Variants in PPM1E observed in about 807,000 individuals in gnomAD.
PPM1E encodes protein phosphatase 1E.
In PPM1E, 20 loss-of-function variants were observed where a neutral mutation model predicts 65.9. That is an observed-to-expected ratio of 0.30 (90% confidence interval 0.21 to 0.44). The LOEUF (loss-of-function observed/expected upper bound fraction) is 0.44, where lower values mean the gene tolerates loss of function less well. Ranked by LOEUF, PPM1E falls within the 20% of genes least tolerant of loss-of-function variation. The probability of loss-of-function intolerance (pLI) is 1.00; values close to 1 mark genes in which losing one functional copy is unlikely to be tolerated. For synonymous variants in PPM1E, 352 were observed against 374.9 expected, an observed-to-expected ratio of 0.94 and a Z score of 0.70; for missense variants, 713 against 953.1, an observed-to-expected ratio of 0.75 and a Z score of 3.32.
intron 1 of PPM1E, among the ~76,000 whole-genome samples, chr17:58,803,139 C>T (rs972553034): frequency 9.2e-5 from 14 of 151,940 alleles, no homozygotes; most frequent in Admixed American, 2.6e-4. Flanking sequence ...AACTGAGGAC[C>T]GTTGTCTTGT....
At chr17:58,764,299 A>G (rs2049852468) in intron 1 of PPM1E, among the ~76,000 whole-genome samples, 1 of 152,144 alleles carries the variant, frequency 6.6e-6, no homozygotes, top group African/African-American at 2.4e-5. Context: ...TACAACAACA[A>G]AAACTTTAAT....
chr17:58,887,989 C>T (rs1223518223), intron 1 of PPM1E, among the ~76,000 whole-genome samples: 11 of 151,898 alleles, frequency 7.2e-5, no homozygotes, highest in South Asian at 2.1e-4. Context: ...ATGTGGTGTA[C>T]GTGAAGGGAA....
chr17:58,915,376 C>G (rs2051672814), intron 1 of PPM1E, among the ~76,000 whole-genome samples: 1 of 152,138 alleles, frequency 6.6e-6, no homozygotes, highest in Non-Finnish European at 1.5e-5. Flanking sequence ...AGAGGTCGCT[C>G]TGGTTGCAAT....
chr17:58,850,369 C>T (rs1195142102), intron 1 of PPM1E, among the ~76,000 whole-genome samples: 4 of 152,152 alleles, frequency 2.6e-5, no homozygotes, highest in African/African-American at 7.2e-5. Context: ...TTCTTCCTCG[C>T]ATCGATGGTC....
chr17:58,854,226 T>G (rs2050857953), intron 1 of PPM1E, among the ~76,000 whole-genome samples: 1 of 152,224 alleles, frequency 6.6e-6, no homozygotes, highest in African/African-American at 2.4e-5. Flanking sequence ...AGTGAATAGA[T>G]GCAACTGATT....
chr17:58,837,149 G>A (rs2050667670), intron 1 of PPM1E, among the ~76,000 whole-genome samples: 1 of 150,916 alleles, frequency 6.6e-6, no homozygotes, highest in Admixed American at 6.6e-5. Flanking sequence ...GGCTGAGATG[G>A]GAGGATCACT....
intron 1 of PPM1E, among the ~76,000 whole-genome samples, chr17:58,899,054 T>C (rs555582697): frequency 2.0e-5 from 3 of 152,068 alleles, no homozygotes; most frequent in Admixed American, 2.0e-4. Flanking sequence ...AAATACCTAA[T>C]GTAAATGATG....
chr17:58,756,049 T>G lies in PPM1E; in HGVS notation c.52T>G (p.Phe18Val). ...EKTYRRFLEL[F>V]LGEFRGPCGG... Reference sequence around the variant, plus strand: ...AACTTACCGGCGCTTCCTGGAGCTATTCCTGGGCGAGTTTCGCGGACCGTG... The same window carrying G: ...AACTTACCGGCGCTTCCTGGAGCTAGTCCTGGGCGAGTTTCGCGGACCGTG... The change falls in exon 1 of 7, where the codon TTC becomes GTC. Residue 18 changes from phenylalanine (F) to valine (V), a missense_variant. By Grantham distance (50) the Phe-to-Val change is conservative (BLOSUM62 -1). Around this residue, in one of 6 missense-constraint regions of PPM1E, gnomAD observed 212 missense variants for 204.0 expected, o/e 1.04. Transcript: ENST00000308249. The G allele has an allele frequency of 6.2e-7, 1 of 1,614,002 alleles. No homozygotes were observed. Among genetic ancestry groups the G allele is most frequent in the Non-Finnish European group, 8.5e-7 (1 of 1,179,916 alleles).
At chr17:58,916,172 G>GA (rs1370375777) in intron 1 of PPM1E, among the ~76,000 whole-genome samples, 13 of 152,176 alleles carry the variant, frequency 8.5e-5, no homozygotes, top group Non-Finnish European at 1.9e-4. Flanking sequence ...AAATAATTTG[G>GA]AAAAAAATAA....
intron 1 of PPM1E, among the ~76,000 whole-genome samples, chr17:58,841,959 G>A (rs561103976): frequency 6.2e-4 from 94 of 152,122 alleles, no homozygotes; most frequent in Non-Finnish European, 1.2e-3. Context: ...CGCCCTCCTT[G>A]GCCTCCCAAA....
chr17:58,863,972 G>A (rs898677203), intron 1 of PPM1E, among the ~76,000 whole-genome samples: 1 of 151,794 alleles, frequency 6.6e-6, no homozygotes, highest in Non-Finnish European at 1.5e-5. Flanking sequence ...TTTAGGTGGG[G>A]AAATGGGGAT....
At chr17:58,806,698 C>CTTTTTTTTTTTTTTTTTTT (rs57960498) in intron 1 of PPM1E, among the ~76,000 whole-genome samples, 1 of 135,016 alleles carries the variant, frequency 7.4e-6, no homozygotes. Context: ...GTTTTGTTTT[C>CTTTTTTTTTTTTTTTTTTT]TTTTTTTTTT....
chr17:58,904,091 C>T (rs973320369), intron 1 of PPM1E, among the ~76,000 whole-genome samples: 9 of 152,098 alleles, frequency 5.9e-5, no homozygotes, highest in African/African-American at 1.9e-4. Context: ...TACATGTCCA[C>T]TACCCTCTTG....
intron 1 of PPM1E, among the ~76,000 whole-genome samples, chr17:58,804,005 T>C (rs2050282607): frequency 6.6e-6 from 1 of 152,216 alleles, no homozygotes; most frequent in South Asian, 2.1e-4. Flanking sequence ...CATAGCTCAC[T>C]GAGACCTTAA....
At chr17:58,803,755 T>G (rs935743627) in intron 1 of PPM1E, among the ~76,000 whole-genome samples, 1 of 152,162 alleles carries the variant, frequency 6.6e-6, no homozygotes, top group Non-Finnish European at 1.5e-5. Context: ...AGAAGTAACT[T>G]TATGGATTCC....
At chr17:58,825,275 G>T (rs1442037504) in intron 1 of PPM1E, among the ~76,000 whole-genome samples, 1 of 143,668 alleles carries the variant, frequency 7.0e-6, no homozygotes, top group South Asian at 2.2e-4. Flanking sequence ...AAAATAAATA[G>T]AATGAAATAT....
Position 58,838,829 on chromosome 17 carries a change from C to A in PPM1E, c.464+82368C>A, listed in dbSNP as rs1264535360. ...ACCAAACTATTGTGATACATTCATA[C>A]AATGGAATGTTATTAAGCGATCAAA... On this transcript the variant is annotated intron_variant, in intron 1 of 6. Transcript: ENST00000308249. 2.0e-5 allele frequency among the ~76,000 whole-genome samples: 3 copies of A among 151,948 alleles called. No homozygotes were observed. The East Asian group carries it at 5.8e-4, about 29-fold the overall frequency.
chr17:58,972,966 C>G, intron 6 of PPM1E, 41 bp downstream of exon 6: 1 of 1,396,980 alleles, frequency 7.2e-7, no homozygotes, highest in South Asian at 1.2e-5. Flanking sequence ...CTGTCCTCTT[C>G]TAGCTCATTC....
At chr17:58,883,781 G>A (rs1192956138) in intron 1 of PPM1E, among the ~76,000 whole-genome samples, 1 of 151,752 alleles carries the variant, frequency 6.6e-6, no homozygotes, top group African/African-American at 2.4e-5. Flanking sequence ...CACCGCGCCC[G>A]GCCCGCTGCC....
Sources: allele counts gnomAD v4.1 joint callset (sites outside exome capture counted in the v4.1 genomes callset), GRCh38; gene constraint gnomAD v4.1.1; regional missense constraint gnomAD v4.1.1; transcripts MANE v1.5; gene names NCBI Gene and HGNC (gene_info 2026-07-23, HGNC 2026-07-21).